SLC35D4: variants seen among roughly 807,000 people sequenced by gnomAD.
The protein encoded by SLC35D4 is UDP-N-acetylglucosamine transporter SLC35D4.
At chr18:23,435,731 A>G in the SLC35D4 span, among the ~76,000 whole-genome samples, 2 of 152,200 alleles carry the variant, frequency 1.3e-5, no homozygotes, top group African/African-American at 4.8e-5. Context: ...GTCTGGCTCT[A>G]TTGCCCAGGC....
the SLC35D4 span, among the ~76,000 whole-genome samples, chr18:23,400,453 G>C: frequency 6.6e-6 from 1 of 151,880 alleles, no homozygotes; most frequent in Non-Finnish European, 1.5e-5. Context: ...GTGAAACCCC[G>C]TCTCTACTAA....
chr18:23,253,794 T>C, the SLC35D4 span: 1 of 1,614,246 alleles, frequency 6.2e-7, no homozygotes, highest in Non-Finnish European at 8.5e-7. Flanking sequence ...ACGGTGGCCA[T>C]GGCCTTCGTC....
At chr18:23,378,475 G>A in the SLC35D4 span, among the ~76,000 whole-genome samples, 8 of 152,062 alleles carry the variant, frequency 5.3e-5, no homozygotes, top group Non-Finnish European at 7.4e-5. Flanking sequence ...ACTCCATCCC[G>A]AGAGACAAGG....
chr18:23,300,287 C>T, the SLC35D4 span, among the ~76,000 whole-genome samples: 2 of 152,318 alleles, frequency 1.3e-5, no homozygotes, highest in Admixed American at 6.5e-5. Flanking sequence ...ATGTATGCCA[C>T]CCTGCCAAGT....
the SLC35D4 span, among the ~76,000 whole-genome samples, chr18:23,304,646 G>A: frequency 2.0e-5 from 3 of 152,112 alleles, no homozygotes; most frequent in East Asian, 5.8e-4. Flanking sequence ...TGGATTTTGG[G>A]ATGTCAACCT....
the SLC35D4 span, among the ~76,000 whole-genome samples, chr18:23,320,604 C>A: frequency 6.6e-5 from 10 of 152,264 alleles, no homozygotes; most frequent in East Asian, 1.9e-3. Flanking sequence ...TAGCTTCTAC[C>A]AGGAAGCATT....
At chr18:23,400,544 C>T in the SLC35D4 span, among the ~76,000 whole-genome samples, 1 of 152,092 alleles carries the variant, frequency 6.6e-6, no homozygotes, top group Non-Finnish European at 1.5e-5. Flanking sequence ...GGAGAATCAC[C>T]TGAGCTCAGG....
chr18:23,253,628 G>GGAAAGA, the SLC35D4 span: 1 of 991,262 alleles, frequency 1.0e-6, no homozygotes, highest in Non-Finnish European at 1.5e-6. Flanking sequence ...TCACCCTCTG[G>GGAAAGA]GAAAGAGAAA....
chr18:23,249,799 C>T, the SLC35D4 span, among the ~76,000 whole-genome samples: 6 of 152,070 alleles, frequency 3.9e-5, no homozygotes, highest in African/African-American at 1.4e-4. Flanking sequence ...TCTCGGACAT[C>T]CTGGTGAGAG....
chr18:23,320,113 C>T, the SLC35D4 span, among the ~76,000 whole-genome samples: 1 of 152,176 alleles, frequency 6.6e-6, no homozygotes, highest in Non-Finnish European at 1.5e-5. Flanking sequence ...CAATCTCTCT[C>T]TCCTGTTCTT....
the SLC35D4 span, among the ~76,000 whole-genome samples, chr18:23,333,286 A>G: frequency 6.6e-6 from 1 of 152,202 alleles, no homozygotes; most frequent in Non-Finnish European, 1.5e-5. Flanking sequence ...CAATAACCCA[A>G]TCAAAGATGC....
chr18:23,265,796 C>T, the SLC35D4 span, among the ~76,000 whole-genome samples: 5 of 151,758 alleles, frequency 3.3e-5, no homozygotes, highest in Admixed American at 1.3e-4. Flanking sequence ...CACACTCTGC[C>T]GGAACCACTT....
chr18:23,365,718 C>A, the SLC35D4 span: 2 of 1,603,680 alleles, frequency 1.2e-6, no homozygotes, highest in Non-Finnish European at 1.7e-6. Context: ...GCACCAAAAA[C>A]CCCAGCTGTT....
At chr18:23,253,574 A>AT in the SLC35D4 span, among the ~76,000 whole-genome samples, 1 of 152,240 alleles carries the variant, frequency 6.6e-6, no homozygotes, top group Admixed American at 6.5e-5. Flanking sequence ...CTCCCCATGC[A>AT]TAACGCAGCC....
the SLC35D4 span, chr18:23,297,958 A>G: frequency 5.0e-6 from 8 of 1,593,880 alleles, no homozygotes; most frequent in Non-Finnish European, 6.9e-6. Context: ...ACAGGTGTAC[A>G]AGCTGTTCTC....
the SLC35D4 span, among the ~76,000 whole-genome samples, chr18:23,435,255 T>C: frequency 6.6e-6 from 1 of 152,198 alleles, no homozygotes; most frequent in Non-Finnish European, 1.5e-5. Flanking sequence ...TCTGCTTTTT[T>C]TTTTGCTTAG....
At chr18:23,316,206 G>A in the SLC35D4 span, among the ~76,000 whole-genome samples, 2 of 152,200 alleles carry the variant, frequency 1.3e-5, no homozygotes, top group African/African-American at 4.8e-5. Flanking sequence ...CTCCAGGGAC[G>A]GGCGGACTCC....
At chr18:23,410,175 T>A in the SLC35D4 span, among the ~76,000 whole-genome samples, 1 of 152,148 alleles carries the variant, frequency 6.6e-6, no homozygotes. Flanking sequence ...GAAGTGGAAA[T>A]GCTATTAAAA....
At chr18:23,396,553 G>C in the SLC35D4 span, among the ~76,000 whole-genome samples, 1 of 152,162 alleles carries the variant, frequency 6.6e-6, no homozygotes. Context: ...GGGTGTATTT[G>C]GTTTTTGGTT....
Sources: allele counts gnomAD v4.1 joint callset (sites outside exome capture counted in the v4.1 genomes callset), GRCh38; gene constraint gnomAD v4.1.1; transcripts MANE v1.5; gene names NCBI Gene and HGNC (gene_info 2026-07-23, HGNC 2026-07-21).